IL1RAPL1: variants seen among roughly 807,000 people sequenced by gnomAD.
IL1RAPL1 encodes the protein interleukin-1 receptor accessory protein-like 1.
A neutral mutation model predicts 48.4 loss-of-function variants in IL1RAPL1; 3 were observed. The observed-to-expected ratio is 0.06, with a 90% CI of 0.03 to 0.16. The LOEUF is 0.16. Among genes scored for constraint, IL1RAPL1 ranks in the 10% least tolerant of loss-of-function variants. The probability of loss-of-function intolerance (pLI) is 1.00; values close to 1 mark genes in which losing one functional copy is unlikely to be tolerated. For missense variants in IL1RAPL1, 349 were observed against 530.6 expected, an observed-to-expected ratio of 0.66 and a Z score of 3.36; for synonymous variants, 185 against 187.7, an observed-to-expected ratio of 0.99 and a Z score of 0.12.
intron 2 of IL1RAPL1, among the ~76,000 whole-genome samples, chrX:28,980,493 G>A (rs909623100): frequency 8.9e-6 from 1 of 111,999 alleles, no homozygotes; most frequent in Non-Finnish European, 1.9e-5. Context: ...TGTCAAACAT[G>A]TATAACTTGG....
intron 1 of IL1RAPL1, among the ~76,000 whole-genome samples, chrX:28,739,977 C>A (rs1569162472): frequency 2.8e-5 from 3 of 106,758 alleles, no homozygotes; most frequent in Non-Finnish European, 5.8e-5. Flanking sequence ...GGGACAGTGT[C>A]TTTTTTTTTT....
At chrX:29,060,764 A>G (rs1416695281) in intron 2 of IL1RAPL1, among the ~76,000 whole-genome samples, 1 of 111,972 alleles carries the variant, frequency 8.9e-6, no homozygotes, top group Non-Finnish European at 1.9e-5. Flanking sequence ...AATATTTCAA[A>G]TACAAAGTTC....
At chrX:29,085,231 A>G (rs763459668) in intron 2 of IL1RAPL1, among the ~76,000 whole-genome samples, 1 of 111,736 alleles carries the variant, frequency 8.9e-6, no homozygotes, top group Non-Finnish European at 1.9e-5. Flanking sequence ...TAAGCCAGAT[A>G]TATTTTGGTC....
intron 6 of IL1RAPL1, among the ~76,000 whole-genome samples, chrX:29,685,979 C>T (rs1166308676): frequency 9.5e-6 from 1 of 105,057 alleles, no homozygotes; most frequent in Admixed American, 1.0e-4. Context: ...AGTGAGACTC[C>T]GTCTCAAAAA....
chrX:29,314,908 A>G (rs1261356226), intron 3 of IL1RAPL1, among the ~76,000 whole-genome samples: 1 of 112,322 alleles, frequency 8.9e-6, no homozygotes, highest in East Asian at 2.8e-4. Flanking sequence ...GGATGAAAGA[A>G]CCATGTACTC....
chrX:29,724,297 A>C (rs1927720460), intron 6 of IL1RAPL1, among the ~76,000 whole-genome samples: 1 of 111,378 alleles, frequency 9.0e-6, no homozygotes, highest in South Asian at 3.8e-4. Context: ...CCACTCCCTC[A>C]GGAAATCTCT....
intron 2 of IL1RAPL1, among the ~76,000 whole-genome samples, chrX:28,997,701 C>T (rs1925755030): frequency 9.0e-6 from 1 of 111,293 alleles, no homozygotes; most frequent in South Asian, 3.7e-4. Flanking sequence ...ATGACAAAAC[C>T]AAGATCTTGG....
At chrX:29,853,406 C>T (rs755715296) in intron 6 of IL1RAPL1, among the ~76,000 whole-genome samples, 4 of 110,131 alleles carry the variant, frequency 3.6e-5, no homozygotes, top group Admixed American at 2.9e-4. Context: ...TTTAGTAAGC[C>T]GTGATTGCAC....
intron 5 of IL1RAPL1, among the ~76,000 whole-genome samples, chrX:29,513,797 C>T (rs958724416): frequency 8.9e-6 from 1 of 111,857 alleles, no homozygotes; most frequent in Non-Finnish European, 1.9e-5. Context: ...TTGTAAAGCA[C>T]AGGTACCTTA....
chrX:28,851,031 A>C (rs1262478148), intron 2 of IL1RAPL1, among the ~76,000 whole-genome samples: 1 of 105,832 alleles, frequency 9.4e-6, no homozygotes, highest in African/African-American at 3.5e-5. Flanking sequence ...ACTCTTTACT[A>C]GGTCCACTAC....
At chrX:29,142,335 T>C (rs1929260074) in intron 2 of IL1RAPL1, among the ~76,000 whole-genome samples, 1 of 111,726 alleles carries the variant, frequency 9.0e-6, no homozygotes. Flanking sequence ...CAAACCCAAA[T>C]TGAGTTACAT....
intron 6 of IL1RAPL1, among the ~76,000 whole-genome samples, chrX:29,902,318 C>T (rs1429462620): frequency 9.0e-6 from 1 of 111,031 alleles, no homozygotes; most frequent in African/African-American, 3.3e-5. Context: ...TTGTTCTAGA[C>T]ACCATGAACT....
At chrX:29,151,005 A>C (rs1310328624) in intron 2 of IL1RAPL1, among the ~76,000 whole-genome samples, 1 of 110,966 alleles carries the variant, frequency 9.0e-6, no homozygotes, top group Non-Finnish European at 1.9e-5. Flanking sequence ...TAATGAGCAG[A>C]GAAGCAAGCA....
chrX:28,622,396 T>C (rs1045033689), intron 1 of IL1RAPL1, among the ~76,000 whole-genome samples: 2 of 112,031 alleles, frequency 1.8e-5, no homozygotes, highest in Non-Finnish European at 3.8e-5. Context: ...ATTAAACTTG[T>C]AGCACATTTA....
At position 28,619,691 on chromosome X, in the gene IL1RAPL1, C is replaced by T. The variant is rs974340105; in HGVS notation, c.-25+31644C>T. Among the ~76,000 whole-genome samples, 26 of 108,929 alleles carry T rather than the reference C, an allele frequency of 2.4e-4. 1 individual carries two copies. Among genetic ancestry groups the T allele is most frequent in the Non-Finnish European group, 5.7e-5 (3 of 52,548 alleles). 94.6% of individuals were successfully genotyped at this position (108,929 alleles called of 115,157 possible). A position where few individuals can be genotyped will look rare whatever the true frequency, so the allele number is the denominator to read the frequency against. ...ACCAATGGTTGAGTGTGTCATAATA[C>T]TTACAGAATGATTTTGATTGTGTAC... On this transcript the variant is annotated intron_variant, in intron 1 of 10. Transcript: ENST00000378993.
At chrX:29,903,159 C>CGTGTGT (rs751071711) in intron 6 of IL1RAPL1, among the ~76,000 whole-genome samples, 3,422 of 99,521 alleles carry the variant, frequency 0.034, 72 homozygotes, top group Non-Finnish European at 0.04. Context: ...CATTTGTCTC[C>CGTGTGT]GTGTGTGTGT....
chrX:28,981,148 A>G (rs1180038999), intron 2 of IL1RAPL1, among the ~76,000 whole-genome samples: 5 of 103,624 alleles, frequency 4.8e-5, no homozygotes, highest in Non-Finnish European at 9.8e-5. Context: ...GAAAGAAAAG[A>G]AAAAAATTCT....
intron 2 of IL1RAPL1, among the ~76,000 whole-genome samples, chrX:28,903,962 A>G (rs1448796694): frequency 1.8e-5 from 2 of 109,992 alleles, no homozygotes; most frequent in Admixed American, 9.8e-5. Context: ...ATATATTTAT[A>G]TATGTGTGTA....
intron 3 of IL1RAPL1, among the ~76,000 whole-genome samples, chrX:29,299,617 T>A (rs1416748470): frequency 1.8e-5 from 2 of 111,805 alleles, no homozygotes; most frequent in Non-Finnish European, 3.8e-5. Context: ...TTAAAAAAGG[T>A]CACCAAGGTG....
Sources: gnomAD v4.1 joint callset for allele counts (sites outside exome capture counted in the v4.1 genomes callset) on GRCh38, gnomAD v4.1.1 for gene constraint, MANE v1.5 for transcripts, NCBI Gene and HGNC (gene_info 2026-07-23, HGNC 2026-07-21) for gene names.